KCNIP1: variants seen among roughly 807,000 people sequenced by gnomAD.
KCNIP1 encodes potassium voltage-gated channel interacting protein 1.
KCNIP1 carries 18 observed loss-of-function variants against 33.0 expected under a neutral mutation model. The observed-to-expected ratio is 0.55, with a 90% CI of 0.38 to 0.81. The LOEUF is 0.81. Among genes scored for constraint, KCNIP1 ranks in the 30% least tolerant of loss-of-function variants. The pLI, the probability that KCNIP1 is intolerant of heterozygous loss-of-function variation, is 0.00. For missense variants in KCNIP1, 238 were observed against 271.6 expected (o/e 0.88, Z 0.87); for synonymous variants, 93 against 98.3 (o/e 0.95, Z 0.32).
At chr5:170,367,421 G>GAAAGAAAGGAAAGAAA (rs1554086776) in intron 1 of KCNIP1, among the ~76,000 whole-genome samples, 25 of 74,712 alleles carry the variant, frequency 3.3e-4, no homozygotes, top group South Asian at 7.3e-4. Context: ...AAGAAAGAAA[G>GAAAGAAAGGAAAGAAA]GAAAGAAAGA....
chr5:170,483,885 G>A (rs1037351770), intron 1 of KCNIP1: 6 of 152,284 alleles, frequency 3.9e-5, no homozygotes, highest in Non-Finnish European at 8.8e-5. Flanking sequence ...ACTGATGAAT[G>A]TGACAAAGGA....
chr5:170,705,887 A>G (rs1763240313), intron 1 of KCNIP1, among the ~76,000 whole-genome samples: 1 of 152,200 alleles, frequency 6.6e-6, no homozygotes, highest in African/African-American at 2.4e-5. Flanking sequence ...ATACGACAAG[A>G]TGGAAATAAC....
At chr5:170,403,666 G>A (rs556692384) in intron 1 of KCNIP1, among the ~76,000 whole-genome samples, 1 of 152,338 alleles carries the variant, frequency 6.6e-6, no homozygotes, top group East Asian at 1.9e-4. Context: ...TGGGATGGAA[G>A]CCGTGGTCAG....
chr5:170,508,295 T>A (rs1754795295), intron 1 of KCNIP1, among the ~76,000 whole-genome samples: 1 of 152,184 alleles, frequency 6.6e-6, no homozygotes, highest in Non-Finnish European at 1.5e-5. Flanking sequence ...TATCAGATGC[T>A]TTTTCTAAGG....
chr5:170,643,807 G>A (rs1238380433), intron 1 of KCNIP1, among the ~76,000 whole-genome samples: 1 of 152,232 alleles, frequency 6.6e-6, no homozygotes, highest in African/African-American at 2.4e-5. Context: ...GCTGGCTGGG[G>A]GACCATGGGT....
chr5:170,726,291 A>T (rs1333203374), intron 5 of KCNIP1, among the ~76,000 whole-genome samples: 1 of 152,246 alleles, frequency 6.6e-6, no homozygotes, highest in Non-Finnish European at 1.5e-5. Flanking sequence ...TAATACAAAG[A>T]TAAACAACTT....
chr5:170,362,164 A>C (rs1763531008), intron 1 of KCNIP1, among the ~76,000 whole-genome samples: 1 of 152,128 alleles, frequency 6.6e-6, no homozygotes, highest in South Asian at 2.1e-4. Context: ...GCTCTAATTA[A>C]CCCCACTTAC....
chr5:170,726,674 C>T (rs1370245657), intron 5 of KCNIP1, among the ~76,000 whole-genome samples: 5 of 147,564 alleles, frequency 3.4e-5, no homozygotes, highest in Middle Eastern at 3.5e-3. Flanking sequence ...CTGAGGCAGG[C>T]GGATCACTTG....
chr5:170,394,722 AAAG>A (rs1312672096), intron 1 of KCNIP1, among the ~76,000 whole-genome samples: 1 of 152,162 alleles, frequency 6.6e-6, no homozygotes, highest in Non-Finnish European at 1.5e-5. Flanking sequence ...TAGTACCCAA[AAAG>A]AAGATTTTCA....
At chr5:170,475,936 GAGA>G (rs919503897) in intron 1 of KCNIP1, among the ~76,000 whole-genome samples, 7 of 152,138 alleles carry the variant, frequency 4.6e-5, no homozygotes, top group African/African-American at 1.7e-4. Context: ...TGGGGTCAGG[GAGA>G]AGAAATGATT....
At chr5:170,499,126 A>C (rs1423248313), upstream of KCNIP1, among the ~76,000 whole-genome samples, 2 of 152,190 alleles carry the variant, frequency 1.3e-5, no homozygotes, top group African/African-American at 4.8e-5. Flanking sequence ...GAAATGGTAC[A>C]AGACAGCAGC....
chr5:170,661,999 G>A (rs1209511041), intron 1 of KCNIP1, among the ~76,000 whole-genome samples: 3 of 152,096 alleles, frequency 2.0e-5, no homozygotes, highest in African/African-American at 4.8e-5. Context: ...CACAATGGAG[G>A]CTCCTCCTTG....
intron 1 of KCNIP1, among the ~76,000 whole-genome samples, chr5:170,656,365 C>T (rs1036240466): frequency 3.9e-5 from 6 of 152,128 alleles, no homozygotes; most frequent in African/African-American, 4.8e-5. Context: ...TATAGAATTG[C>T]GGGAGGGGTT....
chr5:170,390,517 A>AAAAAAAAAAAAAAAATATATATATATAT, intron 1 of KCNIP1, among the ~76,000 whole-genome samples: 3 of 74,546 alleles, frequency 4.0e-5, no homozygotes, highest in Non-Finnish European at 7.5e-5. Context: ...AAAAAAAACA[A>AAAAAAAAAAAAAAAATATATATATATAT]ATATATATAT....
intron 1 of KCNIP1, among the ~76,000 whole-genome samples, chr5:170,696,780 G>C (rs552182036): frequency 2.0e-5 from 3 of 152,046 alleles, no homozygotes; most frequent in Non-Finnish European, 4.4e-5. Flanking sequence ...TGTGTAGGAG[G>C]GTGACTTTGT....
intron 1 of KCNIP1, among the ~76,000 whole-genome samples, chr5:170,425,106 T>C (rs1755583193): frequency 6.6e-6 from 1 of 152,188 alleles, no homozygotes; most frequent in Admixed American, 6.5e-5. Flanking sequence ...CTCCACACCA[T>C]AGCTCTGTTT....
chr5:170,722,177 T>A (rs1293875387), intron 4 of KCNIP1, among the ~76,000 whole-genome samples: 1 of 152,144 alleles, frequency 6.6e-6, no homozygotes, highest in East Asian at 1.9e-4. Context: ...ACTTAGGGCT[T>A]TGTATGTATT....
intron 1 of KCNIP1, chr5:170,679,395 C>G (rs1386696809): frequency 6.6e-6 from 1 of 152,232 alleles, no homozygotes; most frequent in Non-Finnish European, 1.5e-5. Flanking sequence ...ACAAGATTTT[C>G]CCGAGTCTCA....
intron 1 of KCNIP1, among the ~76,000 whole-genome samples, chr5:170,660,521 A>T (rs1761440347): frequency 6.6e-6 from 1 of 152,182 alleles, no homozygotes. Context: ...TTCTCTGACT[A>T]GCTGGGTGGC....
Sources: allele counts gnomAD v4.1 joint callset (sites outside exome capture counted in the v4.1 genomes callset), GRCh38; gene constraint gnomAD v4.1.1; transcripts MANE v1.5; gene names NCBI Gene and HGNC (gene_info 2026-07-23, HGNC 2026-07-21).